TDRD12: variants seen among roughly 807,000 people sequenced by gnomAD.
TDRD12 encodes the protein tudor domain containing 12.
A neutral mutation model predicts 133.5 loss-of-function variants in TDRD12; 158 were observed. That is an observed-to-expected ratio of 1.18 (90% confidence interval 1.04 to 1.35). The LOEUF (loss-of-function observed/expected upper bound fraction) is 1.35. TDRD12 is among the 40% of genes most tolerant of loss of function. The pLI, the probability that TDRD12 is intolerant of heterozygous loss-of-function variation, is 0.00. For missense variants in TDRD12, 1,443 were observed against 1,321.3 expected, an observed-to-expected ratio of 1.09 and a Z score of -1.43; for synonymous variants, 460 against 477.9, an observed-to-expected ratio of 0.96 and a Z score of 0.49.
At position 32,747,249 on chromosome 19, in the gene TDRD12, A is replaced by G. The variant is rs904195227; in HGVS notation, c.441-1227A>G. Among the ~76,000 whole-genome samples the G allele has an allele frequency of 2.6e-5, 4 of 152,156 alleles. No individual in the cohort carries two copies. The East Asian group carries it at 5.8e-4, about 22-fold the overall frequency. ...CTTTTCATTATTAGTAATCTACTAC[A>G]TTTTTCTTTTTTAAAAAAGCTAATT... On this transcript the variant is annotated intron_variant, in intron 4 of 27. Coordinates refer to ENST00000444215, the Ensembl canonical transcript of TDRD12.
intron 2 of TDRD12, among the ~76,000 whole-genome samples, 169 bp from the exon 3 acceptor site, chr19:32,738,687 C>A (rs959465950): frequency 1.3e-5 from 2 of 152,286 alleles, no homozygotes; most frequent in African/African-American, 2.4e-5. Flanking sequence ...GCGGCAGGCA[C>A]CTGTAATCCC....
rs112773836 is a variant in TDRD12 at position 32,728,244 on chromosome 19, TC to T, written c.25-3478del. 1.4e-4 allele frequency among the ~76,000 whole-genome samples: 21 copies of T among 152,278 alleles called. 1 individual carries two copies. The highest frequency in any genetic ancestry group is 5.1e-4 in the African/African-American group (21 of 41,564). ...TTGATATTGTTTTGGCTATTTTGGG[TC>T]CCTTGGGATTTCATGTGAATTTTAG... On this transcript the variant is annotated intron_variant, in intron 1 of 27. Transcript: ENST00000444215.
intron 11 of TDRD12, among the ~76,000 whole-genome samples, chr19:32,780,485 A>G (rs115055069): frequency 6.6e-6 from 1 of 152,212 alleles, no homozygotes; most frequent in Non-Finnish European, 1.5e-5. Flanking sequence ...CAAACTGCTG[A>G]GTCCAGGGTC....
At chr19:32,807,458 T>A in intron 21 of TDRD12, 91 bp from the exon 22 acceptor site, 1 of 812,636 alleles carries the variant, frequency 1.2e-6, no homozygotes, top group Non-Finnish European at 1.9e-6. Context: ...TTATCTGATT[T>A]AGGTTGCAGA....
At chr19:32,792,871 G>A (rs1453303680) in intron 13 of TDRD12, among the ~76,000 whole-genome samples, 1 of 152,208 alleles carries the variant, frequency 6.6e-6, no homozygotes, top group Non-Finnish European at 1.5e-5. Flanking sequence ...TCTCCACAGT[G>A]CACCAAATGA....
intron 8 of TDRD12, among the ~76,000 whole-genome samples, chr19:32,770,965 G>T (rs1276446633): frequency 2.0e-5 from 3 of 152,140 alleles, no homozygotes; most frequent in Non-Finnish European, 4.4e-5. Flanking sequence ...TGTTCACGTT[G>T]CTGTAAAGGA....
downstream of TDRD12, among the ~76,000 whole-genome samples, chr19:32,825,364 G>A (rs1198257325): frequency 6.6e-6 from 1 of 152,194 alleles, no homozygotes; most frequent in Non-Finnish European, 1.5e-5. The surrounding 1 kb of genome is among the most constrained non-coding windows in gnomAD (Gnocchi z 4.1). Flanking sequence ...GTTGGAGATT[G>A]AGAAGTTCAC....
intron 11 of TDRD12, among the ~76,000 whole-genome samples, chr19:32,789,489 T>C (rs897534614): frequency 6.6e-6 from 1 of 152,178 alleles, no homozygotes; most frequent in Non-Finnish European, 1.5e-5. Context: ...GGTTTGCCTG[T>C]TCAGGACATT....
rs551629887 is a variant in TDRD12 at position 32,774,001 on chromosome 19, C to T, written c.1040+469C>T. On this transcript the variant is annotated intron_variant, in intron 10 of 27. Coordinates refer to ENST00000444215, the Ensembl canonical transcript of TDRD12. ...GGTCCTGATGAGAGGGATGGCCTCA[C>T]GTGGCCAGATGGCAGCACAGGGTGG... Among the ~76,000 whole-genome samples the T allele has an allele frequency of 1.1e-4, 16 of 152,228 alleles. No individual in the cohort carries two copies. The South Asian group carries it at 2.9e-3, about 28-fold the overall frequency.
chr19:32,802,711 T>C (rs1454362870), exon 20 of TDRD12: 3 of 1,536,392 alleles, frequency 2.0e-6, no homozygotes, highest in Non-Finnish European at 2.6e-6. Flanking sequence ...CGTGTGTGAT[T>C]CACTTCAGTT....
intron 6 of TDRD12, among the ~76,000 whole-genome samples, chr19:32,755,130 T>TTTC (rs1969955424): frequency 6.6e-6 from 1 of 152,166 alleles, no homozygotes; most frequent in Non-Finnish European, 1.5e-5. Context: ...CCTCTTCCAT[T>TTTC]GTGTGGATAT....
intron 2 of TDRD12, among the ~76,000 whole-genome samples, chr19:32,736,845 T>C (rs1969240512): frequency 6.6e-6 from 1 of 152,224 alleles, no homozygotes; most frequent in Admixed American, 6.5e-5. Flanking sequence ...GGTTGTCACC[T>C]CTGCAGGGTG....
Position 32,811,193 on chromosome 19 carries a change from G to T in TDRD12, c.2838-17G>T. Reference sequence around the variant, plus strand: ...TCTGGAATCTCTGCGTTGAACCGATGCCCCATTGCTCTCCAGGGTTCAGGT... The same window carrying T: ...TCTGGAATCTCTGCGTTGAACCGATTCCCCATTGCTCTCCAGGGTTCAGGT... On this transcript the variant is annotated splice_polypyrimidine_tract_variant and intron_variant, in intron 23 of 27. Transcript: ENST00000444215. 2 of 1,524,226 alleles carry T rather than the reference G, an allele frequency of 1.3e-6. No individual in the cohort carries two copies. The highest frequency in any genetic ancestry group is 1.7e-4 in the Middle Eastern group (1 of 5,868). The allele number at this position is 1,524,226 out of a possible 1,614,324, so 94.4% of individuals were successfully genotyped here. A position where few individuals can be genotyped will look rare whatever the true frequency, so the allele number is the denominator to read the frequency against.
At chr19:32,805,499 G>A (rs1181964890) in intron 21 of TDRD12, among the ~76,000 whole-genome samples, 1 of 151,858 alleles carries the variant, frequency 6.6e-6, no homozygotes, top group African/African-American at 2.4e-5. Context: ...AATATCATTC[G>A]GTTCTCACTG....
At chr19:32,744,073 C>T (rs905054899) in intron 4 of TDRD12, among the ~76,000 whole-genome samples, 10 of 151,048 alleles carry the variant, frequency 6.6e-5, no homozygotes, top group African/African-American at 2.2e-4. Flanking sequence ...TGTCAACATA[C>T]GTATCTCTTC....
intron 13 of TDRD12, among the ~76,000 whole-genome samples, chr19:32,792,241 G>A (rs1180422296): frequency 4.6e-5 from 7 of 150,562 alleles, no homozygotes; most frequent in African/African-American, 9.8e-5. Context: ...GCAAGACTCC[G>A]TCTCAAAAAA....
chr19:32,754,702 G>A (rs1054310689), intron 6 of TDRD12, among the ~76,000 whole-genome samples: 50 of 106,686 alleles, frequency 4.7e-4, no homozygotes, highest in African/African-American at 1.8e-3. Context: ...TTGAGATGGA[G>A]TTTCGCTCTT....
At chr19:32,747,213 G>C (rs1012684611) in intron 4 of TDRD12, among the ~76,000 whole-genome samples, 3 of 152,122 alleles carry the variant, frequency 2.0e-5, no homozygotes, top group Non-Finnish European at 2.9e-5. Context: ...GTTTTCTCTT[G>C]GGTTGTTTGC....
chr19:32,776,185 G>T (rs776351003), intron 10 of TDRD12, among the ~76,000 whole-genome samples: 1 of 152,174 alleles, frequency 6.6e-6, no homozygotes, highest in South Asian at 2.1e-4. Context: ...TATTCCTCTG[G>T]CCAGATAGTT....
Sources: allele counts gnomAD v4.1 joint callset (sites outside exome capture counted in the v4.1 genomes callset), GRCh38; gene constraint gnomAD v4.1.1; non-coding constraint Gnocchi (gnomAD v3.1); transcripts MANE v1.5; gene names NCBI Gene and HGNC (gene_info 2026-07-23, HGNC 2026-07-21).